The following ADGRL3 variants were observed in gnomAD, a reference collection of about 807,000 sequenced individuals.
ADGRL3 encodes the protein calcium-independent alpha-latrotoxin receptor 3.
A neutral mutation model predicts 153.5 loss-of-function variants in ADGRL3; 62 were observed. The observed-to-expected ratio is 0.40, with a 90% CI of 0.33 to 0.50. The LOEUF is 0.50. ADGRL3 is among the 20% of genes least tolerant of loss of function. The pLI is 0.47. For synonymous variants in ADGRL3, 710 were observed against 672.5 expected, an observed-to-expected ratio of 1.06 and a Z score of -0.86; for missense variants, 1,641 against 1,859.4, an observed-to-expected ratio of 0.88 and a Z score of 2.16.
At chr4:61,946,816 G>A in intron 15 of ADGRL3, 98 bp from the exon 16 acceptor site, 2 of 890,664 alleles carry the variant, frequency 2.2e-6, no homozygotes, top group South Asian at 3.1e-5. Context: ...TGGATTTTTT[G>A]TGTGAATACA....
At chr4:61,763,433 C>T (rs2096937275) in intron 8 of ADGRL3, among the ~76,000 whole-genome samples, 1 of 151,858 alleles carries the variant, frequency 6.6e-6, no homozygotes, top group South Asian at 2.1e-4. Flanking sequence ...ATCCGCCTGC[C>T]TCAGCCCTCA....
intron 2 of ADGRL3, among the ~76,000 whole-genome samples, chr4:61,388,307 G>GT (rs2151974676): frequency 6.6e-6 from 1 of 152,204 alleles, no homozygotes; most frequent in South Asian, 2.1e-4. Context: ...TAAGGACTAC[G>GT]TAAGTGTTTG....
intron 24 of ADGRL3, among the ~76,000 whole-genome samples, chr4:62,042,309 A>T (rs1242473662): frequency 6.6e-6 from 1 of 151,942 alleles, no homozygotes; most frequent in African/African-American, 2.4e-5. Flanking sequence ...ATTATAGGAG[A>T]TGTTAGTGAC....
chr4:61,382,480 T>C (rs2096681973), intron 1 of ADGRL3, among the ~76,000 whole-genome samples: 1 of 151,794 alleles, frequency 6.6e-6, no homozygotes, highest in Non-Finnish European at 1.5e-5. Flanking sequence ...TCTGTTTTAT[T>C]ATTTGTTTAA....
At chr4:61,975,296 T>C (rs1489728610) in intron 17 of ADGRL3, among the ~76,000 whole-genome samples, 1 of 152,044 alleles carries the variant, frequency 6.6e-6, no homozygotes, top group Non-Finnish European at 1.5e-5. Context: ...TTTGAATAAA[T>C]AATAAAAGGA....
chr4:61,433,816 T>G (rs1029984793), intron 2 of ADGRL3, among the ~76,000 whole-genome samples: 6 of 152,144 alleles, frequency 3.9e-5, no homozygotes, highest in Non-Finnish European at 8.8e-5. Context: ...TCACAAATAT[T>G]TTTTTAAAAT....
intron 1 of ADGRL3, among the ~76,000 whole-genome samples, chr4:61,369,743 T>A (rs2096483517): frequency 6.6e-6 from 1 of 152,212 alleles, no homozygotes; most frequent in South Asian, 2.1e-4. Context: ...GCTGGCCTCA[T>A]AAAATGAGTT....
chr4:61,461,192 G>A (rs530427123), intron 2 of ADGRL3, among the ~76,000 whole-genome samples: 4 of 152,078 alleles, frequency 2.6e-5, no homozygotes, highest in African/African-American at 4.8e-5. Context: ...CCCACAATAC[G>A]TGGGAATTAT....
intron 8 of ADGRL3, among the ~76,000 whole-genome samples, chr4:61,754,275 A>T (rs1259029490): frequency 6.6e-6 from 1 of 152,170 alleles, no homozygotes; most frequent in Non-Finnish European, 1.5e-5. Flanking sequence ...GAACTTATTC[A>T]TATATTTATA....
At chr4:61,269,974 A>C (rs993810700) in intron 1 of ADGRL3, among the ~76,000 whole-genome samples, 1 of 151,748 alleles carries the variant, frequency 6.6e-6, no homozygotes, top group African/African-American at 2.4e-5. Context: ...AATGGTTGCT[A>C]CAGAAACCAG....
chr4:61,275,838 C>T (rs370828725), intron 1 of ADGRL3, among the ~76,000 whole-genome samples: 161 of 152,206 alleles, frequency 1.1e-3, no homozygotes, highest in African/African-American at 3.6e-3. Flanking sequence ...CCTGTTGAAT[C>T]TATTTATTCT....
At chr4:61,527,869 C>A (rs147695400) in intron 4 of ADGRL3, among the ~76,000 whole-genome samples, 130 of 152,212 alleles carry the variant, frequency 8.5e-4, no homozygotes, top group African/African-American at 2.9e-3. Context: ...ACTGGGCCTT[C>A]CCACTTTAAC....
Position 61,258,819 on chromosome 4 carries a change from A to G in ADGRL3, c.-240+57054A>G, listed in dbSNP as rs201829974. On this transcript the variant is annotated intron_variant, in intron 1 of 26. Coordinates refer to ENST00000683033, the MANE Select transcript of ADGRL3 (RefSeq NM_001387552.1). Reference sequence around the variant, plus strand: ...CCTCAACGGTAATCACTTCACTCATATATATCACAAAAATAAACAAAATAA... The same window carrying G: ...CCTCAACGGTAATCACTTCACTCATGTATATCACAAAAATAAACAAAATAA... 4.6e-5 allele frequency among the ~76,000 whole-genome samples: 7 copies of G among 152,182 alleles called. No individual in the cohort carries two copies. The East Asian group carries it at 1.3e-3, about 29-fold the overall frequency.
At chr4:61,282,789 C>T (rs946640232) in intron 1 of ADGRL3, among the ~76,000 whole-genome samples, 23 of 151,984 alleles carry the variant, frequency 1.5e-4, no homozygotes, top group Admixed American at 6.6e-5. Context: ...TCATATTTCA[C>T]AGTTCTGTAG....
Position 61,274,764 on chromosome 4 carries a change from A to C in ADGRL3, c.-240+72999A>C, listed in dbSNP as rs868677834. Reference sequence around the variant, plus strand: ...CATAGCAAGACCTTGTCTCTACCAAAAAACAAACAAACAAACAAAAACTGC... The same window carrying C: ...CATAGCAAGACCTTGTCTCTACCAACAAACAAACAAACAAACAAAAACTGC... On this transcript the variant is annotated intron_variant, in intron 1 of 26. Transcript: ENST00000683033. 1.1e-4 allele frequency among the ~76,000 whole-genome samples: 17 copies of C among 152,166 alleles called. No homozygotes were observed. In the Middle Eastern group the frequency reaches 0.01, roughly 91 times the overall value.
intron 4 of ADGRL3, among the ~76,000 whole-genome samples, chr4:61,555,412 A>C (rs1260753811): frequency 6.7e-6 from 1 of 150,344 alleles, no homozygotes; most frequent in African/African-American, 2.5e-5. Context: ...CAAATAACAC[A>C]TGAGGCTCTT....
At chr4:61,753,953 T>C (rs1431993978) in intron 8 of ADGRL3, among the ~76,000 whole-genome samples, 1 of 152,280 alleles carries the variant, frequency 6.6e-6, no homozygotes, top group South Asian at 2.1e-4. Flanking sequence ...TCTTTGCCTG[T>C]GGCACCTATA....
At chr4:61,540,317 G>C (rs962760823) in intron 4 of ADGRL3, among the ~76,000 whole-genome samples, 6 of 152,148 alleles carry the variant, frequency 3.9e-5, no homozygotes, top group African/African-American at 1.2e-4. Flanking sequence ...GGGAGGCCAA[G>C]GCAGGCAGCT....
chr4:61,456,820 A>G (rs2097761307), intron 2 of ADGRL3, among the ~76,000 whole-genome samples: 1 of 151,966 alleles, frequency 6.6e-6, no homozygotes, highest in Non-Finnish European at 1.5e-5. Context: ...GTATTATGAT[A>G]TGGTGAAAAT....
Sources: allele counts gnomAD v4.1 joint callset (sites outside exome capture counted in the v4.1 genomes callset), GRCh38; gene constraint gnomAD v4.1.1; transcripts MANE v1.5; gene names NCBI Gene and HGNC (gene_info 2026-07-23, HGNC 2026-07-21).